Variants in ZBTB20 observed in about 807,000 individuals in gnomAD.
The protein encoded by ZBTB20 is zinc finger and BTB domain-containing protein 20.
A neutral mutation model predicts 56.9 loss-of-function variants in ZBTB20; 9 were observed. The observed-to-expected ratio is 0.16, with a 90% CI of 0.10 to 0.28. ZBTB20 has a LOEUF of 0.28. Among genes scored for constraint, ZBTB20 ranks in the 10% least tolerant of loss-of-function variants. The probability of loss-of-function intolerance (pLI) is 1.00; values close to 1 mark genes in which losing one functional copy is unlikely to be tolerated. For synonymous variants in ZBTB20, 417 were observed against 420.7 expected (o/e 0.99, Z 0.11); for missense variants, 655 against 1,003.0 (o/e 0.65, Z 4.69).
rs1439219130 is a variant in ZBTB20, at chr3:114,705,072, C to T, written c.-342-11497G>A. On this transcript the variant is annotated intron_variant, in intron 5 of 11. Transcript: ENST00000675478. The stretch of plus-strand genomic sequence containing the variant: ...TCTTAGTTTAGTGAATTAAATAACT[C>T]ACTCAAAGCTACACAGCTAGTAAGG... 3.3e-5 allele frequency among the ~76,000 whole-genome samples: 5 copies of T among 152,048 alleles called. No homozygotes were observed. In the East Asian group the frequency reaches 9.6e-4, roughly 29 times the overall value.
At chr3:114,871,931 T>A (rs1404015336) in intron 4 of ZBTB20, among the ~76,000 whole-genome samples, 1 of 152,156 alleles carries the variant, frequency 6.6e-6, no homozygotes, top group Non-Finnish European at 1.5e-5. Context: ...TGTCTTCGTT[T>A]CTGTCTCCTG....
At chr3:114,738,992 G>A (rs571982391) in intron 5 of ZBTB20, among the ~76,000 whole-genome samples, 88 of 152,296 alleles carry the variant, frequency 5.8e-4, no homozygotes, top group African/African-American at 2.1e-3. Flanking sequence ...GGGCATCAGC[G>A]ATCCTGGGCT....
intron 1 of ZBTB20, among the ~76,000 whole-genome samples, chr3:115,078,303 G>A (rs2108530392): frequency 6.6e-6 from 1 of 152,186 alleles, no homozygotes. Flanking sequence ...ATGAAGCTAT[G>A]GAGGAATAAT....
rs1272078613 is a variant in ZBTB20 at position 114,325,123 on chromosome 3, AGT to A, written c.*13880_*13881del. ...TGAAAACCATAATTCTTTCAACAAT[AGT>A]GTAGGAACAATTTTAATTAGATATA... On this transcript the variant is annotated 3_prime_UTR_variant, in exon 12 of 12. Transcript: ENST00000675478. 1 of 152,196 alleles carries A rather than the reference AGT, an allele frequency of 6.6e-6. No individual in the cohort carries two copies. Among genetic ancestry groups the A allele is most frequent in the Non-Finnish European group, 1.5e-5 (1 of 68,028 alleles). The allele number at this position is 152,196 out of a possible 1,614,324, so 9.4% of individuals were successfully genotyped here.
intron 5 of ZBTB20, among the ~76,000 whole-genome samples, chr3:114,748,150 G>T (rs184341991): frequency 1.3e-5 from 2 of 152,202 alleles, no homozygotes; most frequent in Middle Eastern, 6.8e-3. Context: ...GGGTGAACAT[G>T]GGAGATACTG....
At chr3:114,997,908 A>G (rs2079091776) in intron 2 of ZBTB20, among the ~76,000 whole-genome samples, 1 of 149,384 alleles carries the variant, frequency 6.7e-6, no homozygotes, top group Non-Finnish European at 1.5e-5. Flanking sequence ...TGGGGAGAAG[A>G]AGGAGCAAAG....
At chr3:114,679,013 C>G (rs1403881335) in intron 6 of ZBTB20, among the ~76,000 whole-genome samples, 3 of 152,156 alleles carry the variant, frequency 2.0e-5, no homozygotes, top group Admixed American at 1.3e-4. Context: ...TTAATATGAA[C>G]AAGCCCTGCA....
chr3:114,411,366 T>C (rs1184478878), intron 7 of ZBTB20, among the ~76,000 whole-genome samples: 1 of 152,002 alleles, frequency 6.6e-6, no homozygotes, highest in Admixed American at 6.6e-5. Flanking sequence ...AATTGGACAG[T>C]AAGGAGTGTC....
Position 114,785,324 on chromosome 3 carries a change from T to C in ZBTB20, c.-343+15777A>G, listed in dbSNP as rs112530971. 9.6e-3 allele frequency among the ~76,000 whole-genome samples: 1,464 copies of C among 152,304 alleles called. 14 individuals carry two copies. Among genetic ancestry groups the C allele is most frequent in the South Asian group, 0.016 (78 of 4,824 alleles). On this transcript the variant is annotated intron_variant, in intron 5 of 11. Transcript: ENST00000675478. ...ACTTGCTGTATCTCAGCCAGTTAGA[T>C]GAAAAACACATAATACAACAGGAAA...
chr3:114,982,687 C>T (rs988948697), intron 2 of ZBTB20, among the ~76,000 whole-genome samples: 3 of 151,990 alleles, frequency 2.0e-5, no homozygotes, highest in African/African-American at 7.2e-5. Context: ...TGTTCAAAGT[C>T]CTGTGGGTAC....
chr3:114,815,663 A>G (rs1032970678), intron 4 of ZBTB20, among the ~76,000 whole-genome samples: 1 of 152,094 alleles, frequency 6.6e-6, no homozygotes, highest in African/African-American at 2.4e-5. Context: ...ACTCATTGTT[A>G]TTGCTTATTA....
At chr3:114,807,896 A>G (rs895588241) in intron 4 of ZBTB20, among the ~76,000 whole-genome samples, 6 of 152,026 alleles carry the variant, frequency 3.9e-5, no homozygotes, top group Admixed American at 2.6e-4. Context: ...TGGTTTGTGA[A>G]TATTTTGTTG....
chr3:115,104,091 T>C (rs1178704195), intron 1 of ZBTB20, among the ~76,000 whole-genome samples: 1 of 152,196 alleles, frequency 6.6e-6, no homozygotes, highest in East Asian at 1.9e-4. Flanking sequence ...AATAAGCGTA[T>C]GAAAGGGGCT....
chr3:114,816,900 C>T (rs608348), intron 4 of ZBTB20, among the ~76,000 whole-genome samples: 8 of 152,126 alleles, frequency 5.3e-5, no homozygotes, highest in South Asian at 2.1e-4. Context: ...CAAATTATCA[C>T]TGATAATATC....
At chr3:115,119,657 A>C (rs983509545) in intron 1 of ZBTB20, among the ~76,000 whole-genome samples, 6 of 152,148 alleles carry the variant, frequency 3.9e-5, no homozygotes, top group Non-Finnish European at 5.9e-5. Context: ...GCATTCAATA[A>C]ATTTTAGCTT....
Position 114,511,100 on chromosome 3 carries a change from TAA to T in ZBTB20, c.-294-10711_-294-10710del, listed in dbSNP as rs63221060. ...GCTTTTATAGACTCTGTCCACATGC[TAA>T]AAAAAAAAAAAAAAGGCAACCTTTA... On this transcript the variant is annotated intron_variant, in intron 6 of 11. Coordinates refer to ENST00000675478, the MANE Select transcript of ZBTB20 (RefSeq NM_001348800.3). 1.5e-3 allele frequency among the ~76,000 whole-genome samples: 191 copies of T among 129,286 alleles called. 1 individual carries two copies. Among genetic ancestry groups the T allele is most frequent in the Admixed American group, 2.7e-3 (35 of 12,972 alleles). 84.8% of individuals were successfully genotyped at this position (129,286 alleles called of 152,430 possible). A position where few individuals can be genotyped will look rare whatever the true frequency, so the allele number is the denominator to read the frequency against.
intron 7 of ZBTB20, among the ~76,000 whole-genome samples, chr3:114,409,039 C>T (rs2087641269): frequency 6.7e-6 from 1 of 150,016 alleles, no homozygotes; most frequent in East Asian, 2.0e-4. Context: ...GATATGATTT[C>T]ATGGCAGGAA....
intron 3 of ZBTB20, among the ~76,000 whole-genome samples, chr3:114,907,362 T>C (rs919248008): frequency 2.6e-5 from 4 of 151,926 alleles, no homozygotes; most frequent in Non-Finnish European, 4.4e-5. Flanking sequence ...GTCAAACTTA[T>C]GTCAGCTCCC....
intron 4 of ZBTB20, among the ~76,000 whole-genome samples, chr3:114,889,345 T>G (rs613626): frequency 0.97 from 147,658 of 151,948 alleles, 71,907 homozygotes; most frequent in East Asian, 1. Flanking sequence ...AACTTAAGAG[T>G]TGTGCATTAA....
Sources: allele counts gnomAD v4.1 joint callset (sites outside exome capture counted in the v4.1 genomes callset), GRCh38; gene constraint gnomAD v4.1.1; transcripts MANE v1.5; gene names NCBI Gene and HGNC (gene_info 2026-07-23, HGNC 2026-07-21).